Variants in CSMD1 observed in about 807,000 individuals in gnomAD.
CSMD1 encodes the protein CUB and sushi domain-containing protein 1.
Under a neutral mutation model 417.5 loss-of-function variants are expected in CSMD1, and 213 were observed. The observed-to-expected ratio is 0.51, with a 90% CI of 0.46 to 0.57. The LOEUF is 0.57. Ranked by LOEUF, CSMD1 falls within the 20% of genes least tolerant of loss-of-function variation. The pLI is 0.00. For synonymous variants in CSMD1, 2,862 were observed against 1,736.8 expected (o/e 1.65, Z -16.11); for missense variants, 6,923 against 4,529.7 (o/e 1.53, Z -15.17).
At position 4,143,678 on chromosome 8, in the gene CSMD1, T is replaced by C. The variant is rs149234573; in HGVS notation, c.416-111579A>G. ...GTGAGTTCTCCAGGTTCTTGGCATT[T>C]AGAATAATTGGATAAGATACACAAA... On this transcript the variant is annotated intron_variant, in intron 3 of 69. Coordinates refer to ENST00000635120, the MANE Select transcript of CSMD1 (RefSeq NM_033225.6). 1.0e-3 allele frequency among the ~76,000 whole-genome samples: 155 copies of C among 151,034 alleles called. 2 individuals are homozygous for C. The East Asian group carries it at 0.028, about 27-fold the overall frequency.
chr8:4,701,459 G>A (rs1296747974), intron 1 of CSMD1, among the ~76,000 whole-genome samples: 2 of 151,964 alleles, frequency 1.3e-5, no homozygotes, highest in Admixed American at 1.3e-4. Context: ...GAGGGGCCAT[G>A]CACAGTACTC....
intron 3 of CSMD1, among the ~76,000 whole-genome samples, chr8:4,195,038 A>G (rs1001436756): frequency 1.3e-5 from 2 of 152,190 alleles, no homozygotes; most frequent in Non-Finnish European, 2.9e-5. Context: ...ACTATCTACA[A>G]TTTAAAAATT....
intron 3 of CSMD1, among the ~76,000 whole-genome samples, chr8:4,171,435 T>TTTA (rs1453363039): frequency 6.6e-6 from 1 of 151,918 alleles, no homozygotes; most frequent in Non-Finnish European, 1.5e-5. Context: ...ATACAATCAA[T>TTTA]TTATGCATGA....
At chr8:4,135,253 C>T (rs1162553943) in intron 3 of CSMD1, among the ~76,000 whole-genome samples, 1 of 150,384 alleles carries the variant, frequency 6.6e-6, no homozygotes. Context: ...TTATTCATGT[C>T]TAATGCCTTC....
chr8:3,659,724 A>C (rs918892683), intron 7 of CSMD1, among the ~76,000 whole-genome samples: 7 of 152,178 alleles, frequency 4.6e-5, no homozygotes, highest in Admixed American at 2.6e-4. Context: ...TCTACACTCC[A>C]TAATATTAAT....
chr8:3,793,887 A>G (rs1339310611), intron 5 of CSMD1, among the ~76,000 whole-genome samples: 1 of 152,144 alleles, frequency 6.6e-6, no homozygotes, highest in East Asian at 1.9e-4. Flanking sequence ...CCATTTGTCA[A>G]ATCGCAGAGT....
At chr8:4,220,092 G>C (rs1428239157) in intron 3 of CSMD1, among the ~76,000 whole-genome samples, 2 of 152,106 alleles carry the variant, frequency 1.3e-5, no homozygotes, top group Non-Finnish European at 2.9e-5. Context: ...TGTGATTACA[G>C]GCACGTGCCA....
chr8:4,175,188 C>G (rs923198009), intron 3 of CSMD1, among the ~76,000 whole-genome samples: 2 of 152,020 alleles, frequency 1.3e-5, no homozygotes, highest in Non-Finnish European at 2.9e-5. Flanking sequence ...TTAATTACTT[C>G]TTACTGGGGA....
At chr8:4,854,561 G>T (rs143445525) in intron 1 of CSMD1, among the ~76,000 whole-genome samples, 3,005 of 152,252 alleles carry the variant, frequency 0.02, 107 homozygotes, top group African/African-American at 0.069. Flanking sequence ...TGCGCGCACC[G>T]TGCGTGAGCT....
intron 7 of CSMD1, among the ~76,000 whole-genome samples, chr8:3,671,223 T>C (rs66797919): frequency 0.1 from 15,132 of 146,362 alleles, 1,377 homozygotes; most frequent in African/African-American, 0.25. Flanking sequence ...AGGGGATGTA[T>C]GTATATGGGA....
Position 4,738,841 on chromosome 8 carries a change from T to A in CSMD1, c.86-101283A>T, listed in dbSNP as rs556623846. ...AACTACAGATGGAGAATAGAAAAAA[T>A]ACACAGGTTGCTTATTTAGGAACTA... On this transcript the variant is annotated intron_variant, in intron 1 of 69. Transcript: ENST00000635120. 9.9e-5 allele frequency among the ~76,000 whole-genome samples: 15 copies of A among 152,004 alleles called. No homozygotes were observed. In the South Asian group the frequency reaches 2.9e-3, roughly 29 times the overall value.
At chr8:4,952,858 T>G (rs755184082) in intron 1 of CSMD1, among the ~76,000 whole-genome samples, 1 of 152,170 alleles carries the variant, frequency 6.6e-6, no homozygotes, top group Admixed American at 6.5e-5. Context: ...GTAAGCTTGT[T>G]GGATGTAGAC....
rs563755222 is a variant in CSMD1, at chr8:4,070,519, G to A, written c.416-38420C>T. ...ACTACAGGCGCCCGCCACCACGGCC[G>A]GCTATTTTTTTGTATTTTTAGTAGA... is the stretch of plus-strand genomic sequence containing the variant. On this transcript the variant is annotated intron_variant, in intron 3 of 69. Transcript: ENST00000635120. Among the ~76,000 whole-genome samples, 1,314 of 152,096 alleles carry A rather than the reference G, an allele frequency of 8.6e-3. 24 individuals are homozygous for A. Among genetic ancestry groups the A allele is most frequent in the African/African-American group, 0.03 (1,239 of 41,476 alleles).
chr8:3,095,880 C>CA (rs772911971), intron 47 of CSMD1, among the ~76,000 whole-genome samples: 4 of 152,020 alleles, frequency 2.6e-5, no homozygotes, highest in East Asian at 1.9e-4. Context: ...ATTGAAATTG[C>CA]AAAAAAATCA....
chr8:4,692,835 A>G (rs1806858321), intron 1 of CSMD1, among the ~76,000 whole-genome samples: 1 of 152,194 alleles, frequency 6.6e-6, no homozygotes. Flanking sequence ...GCAGTCATGA[A>G]CTACTTTCTC....
chr8:3,584,518 C>T (rs749333307), intron 9 of CSMD1, among the ~76,000 whole-genome samples: 1 of 144,902 alleles, frequency 6.9e-6, no homozygotes, highest in African/African-American at 2.4e-5. Flanking sequence ...CAGCTGTTTC[C>T]TAAGTGATAA....
At chr8:3,951,356 T>C (rs376795811) in intron 5 of CSMD1, among the ~76,000 whole-genome samples, 35 of 152,300 alleles carry the variant, frequency 2.3e-4, no homozygotes, top group African/African-American at 7.0e-4. Flanking sequence ...GGAGCAGGAA[T>C]TCAAGAATTC....
Position 3,275,900 on chromosome 8 carries a change from T to G in CSMD1, c.4153+8244A>C, listed in dbSNP as rs190529174. On this transcript the variant is annotated intron_variant, in intron 26 of 69. Transcript: ENST00000635120. ...TGTCCTCCTGTAGCTCAGAGTAATT[T>G]GATTGTCTGAAGCCTTCTTCTCTCA... Among the ~76,000 whole-genome samples the G allele has an allele frequency of 3.2e-3, 490 of 152,302 alleles. 2 individuals are homozygous for G. Among genetic ancestry groups the G allele is most frequent in the African/African-American group, 0.011 (463 of 41,558 alleles).
In CSMD1 at chr8:3,836,538, G is replaced by C. The variant is rs929210965; in HGVS notation, c.819-82496C>G. Reference sequence around the variant, plus strand: ...ATCTTACCCTTTAGAGCAAGAACTAGGATGGAGTGAGTCAGAAAAGTGGTG... The same window carrying C: ...ATCTTACCCTTTAGAGCAAGAACTACGATGGAGTGAGTCAGAAAAGTGGTG... On this transcript the variant is annotated intron_variant, in intron 5 of 69. Coordinates refer to ENST00000635120, the MANE Select transcript of CSMD1 (RefSeq NM_033225.6). 7.2e-5 allele frequency among the ~76,000 whole-genome samples: 11 copies of C among 152,200 alleles called. No homozygotes were observed. The East Asian group carries it at 1.9e-3, about 27-fold the overall frequency.
Sources: gnomAD v4.1 joint callset for allele counts (sites outside exome capture counted in the v4.1 genomes callset) on GRCh38, gnomAD v4.1.1 for gene constraint, MANE v1.5 for transcripts, NCBI Gene and HGNC (gene_info 2026-07-23, HGNC 2026-07-21) for gene names.